The following PSD3 variants were observed in gnomAD, a reference collection of about 807,000 sequenced individuals.
PSD3 encodes the protein PH and SEC7 domain-containing protein 3.
In PSD3, 49 loss-of-function variants were observed where a neutral mutation model predicts 105.5. That is an observed-to-expected ratio of 0.46 (90% CI 0.37 to 0.59). The LOEUF (loss-of-function observed/expected upper bound fraction) is 0.59. Ranked by LOEUF, PSD3 falls within the 20% of genes least tolerant of loss-of-function variation. PSD3 has a pLI of 0.00. For missense variants in PSD3, 1,561 were observed against 1,263.8 expected (o/e 1.24, Z -3.57); for synonymous variants, 557 against 457.8 (o/e 1.22, Z -2.77).
chr8:18,783,694 C>T (rs1049561262), intron 8 of PSD3, among the ~76,000 whole-genome samples: 7 of 152,276 alleles, frequency 4.6e-5, no homozygotes, highest in African/African-American at 1.2e-4. Context: ...AGTGCAGTGG[C>T]ACAATCTCAG....
At chr8:18,911,705 A>C (rs1820232854) in intron 2 of PSD3, among the ~76,000 whole-genome samples, 1 of 152,150 alleles carries the variant, frequency 6.6e-6, no homozygotes, top group African/African-American at 2.4e-5. Flanking sequence ...CAGCATTTTC[A>C]TTTTTTATAA....
chr8:18,926,112 G>T (rs1034567719), intron 2 of PSD3, among the ~76,000 whole-genome samples: 67 of 143,938 alleles, frequency 4.7e-4, no homozygotes, highest in African/African-American at 1.5e-4. Context: ...ATGGTATGTT[G>T]TTTTTTTTTT....
At chr8:19,081,172 T>A (rs961805065) in intron 1 of PSD3, among the ~76,000 whole-genome samples, 1 of 152,190 alleles carries the variant, frequency 6.6e-6, no homozygotes, top group Non-Finnish European at 1.5e-5. Flanking sequence ...ACAGAAATGT[T>A]AGAGCCGTCC....
chr8:19,005,739 T>G (rs59211596), intron 1 of PSD3, among the ~76,000 whole-genome samples: 2 of 151,950 alleles, frequency 1.3e-5, no homozygotes, highest in East Asian at 1.9e-4. Context: ...TCCTCCTACC[T>G]TGGCTTCCCA....
At chr8:18,545,141 A>T (rs765348695) in intron 15 of PSD3, among the ~76,000 whole-genome samples, 1 of 152,204 alleles carries the variant, frequency 6.6e-6, no homozygotes, top group African/African-American at 2.4e-5. Flanking sequence ...AGCTCTCAAA[A>T]TTCTTTAAAC....
At chr8:18,947,545 G>A (rs528455420) in intron 1 of PSD3, among the ~76,000 whole-genome samples, 2 of 152,224 alleles carry the variant, frequency 1.3e-5, no homozygotes, top group Non-Finnish European at 2.9e-5. Context: ...GGGTCAGGGA[G>A]CGGCGGCCAT....
chr8:19,000,284 C>T (rs1380811118), intron 1 of PSD3, among the ~76,000 whole-genome samples: 1 of 151,316 alleles, frequency 6.6e-6, no homozygotes, highest in East Asian at 1.9e-4. Context: ...GTGGTCCCAG[C>T]TACTTGGGAG....
intron 9 of PSD3, among the ~76,000 whole-genome samples, chr8:18,670,233 G>A (rs1010065785): frequency 3.3e-5 from 5 of 152,172 alleles, no homozygotes; most frequent in African/African-American, 4.8e-5. Context: ...CCACTGAACC[G>A]GGTGGGTCTG....
At chr8:18,984,927 T>G (rs917735729) in intron 1 of PSD3, among the ~76,000 whole-genome samples, 1 of 152,088 alleles carries the variant, frequency 6.6e-6, no homozygotes, top group Non-Finnish European at 1.5e-5. Context: ...CCCATCACGC[T>G]TCGCTTTTTT....
In PSD3 at chr8:18,575,154, G is replaced by C. The variant is rs1264450419; in HGVS notation, c.2613C>G (p.Asp871Glu). Residue 871 changes from aspartate (D) to glutamate (E), a missense_variant, in exon 13 of 16, where the codon GAC becomes GAG. By Grantham distance (45) the Asp-to-Glu change is conservative. Transcript: ENST00000327040. ...KPNVFKLKTADWRVLLFQTQS... is the reference protein window; with the variant it reads ...KPNVFKLKTAEWRVLLFQTQS... The stretch of plus-strand genomic sequence containing the variant: ...GAGTTTGAAAAAGCAAGACCCTCCA[G>C]TCGGCAGTTTTAAGTTTAAACACGT... 6.2e-7 allele frequency: 1 copy of C among 1,613,306 alleles called. No homozygotes were observed. The highest frequency in any genetic ancestry group is 1.1e-5 in the South Asian group (1 of 90,898).
At chr8:18,768,116 CAAAA>C (rs774203727) in intron 8 of PSD3, among the ~76,000 whole-genome samples, 7 of 97,346 alleles carry the variant, frequency 7.2e-5, no homozygotes, top group Admixed American at 1.2e-4. Flanking sequence ...ACTGAAAATA[CAAAA>C]AAAAAAAAAA....
chr8:18,946,811 A>C (rs1822885735), intron 1 of PSD3, among the ~76,000 whole-genome samples: 1 of 151,582 alleles, frequency 6.6e-6, no homozygotes, highest in Non-Finnish European at 1.5e-5. Context: ...AGGTTGGGAC[A>C]GGAGAATTGC....
chr8:18,945,811 A>T (rs1327860518), intron 1 of PSD3, among the ~76,000 whole-genome samples: 1 of 151,882 alleles, frequency 6.6e-6, no homozygotes, highest in Non-Finnish European at 1.5e-5. Flanking sequence ...CCCCATCTCT[A>T]CAAAAATACA....
Position 18,530,667 on chromosome 8 carries a change from T to A in PSD3, c.*5076A>T, listed in dbSNP as rs3758144. Reference sequence around the variant, plus strand: ...TAAGTGCTCTTAATACTAAAGTTACTAAGACTGCACAGGCTGCCTTTTTTT... The same window carrying A: ...TAAGTGCTCTTAATACTAAAGTTACAAAGACTGCACAGGCTGCCTTTTTTT... On this transcript the variant is annotated 3_prime_UTR_variant, in exon 16 of 16. Transcript: ENST00000327040. The A allele has an allele frequency of 2.0e-5, 3 of 151,708 alleles. No homozygotes were observed. The highest frequency in any genetic ancestry group is 6.6e-5 in the Admixed American group (1 of 15,212). 9.4% of individuals were successfully genotyped at this position (151,708 alleles called of 1,614,324 possible).
At chr8:18,993,775 A>T (rs1335487740) in intron 1 of PSD3, among the ~76,000 whole-genome samples, 1 of 152,074 alleles carries the variant, frequency 6.6e-6, no homozygotes, top group Non-Finnish European at 1.5e-5. Flanking sequence ...GTAACTCTGA[A>T]ATTAAGACTT....
Position 18,559,054 on chromosome 8 carries a change from A to AT in PSD3, c.2785-2703dup, listed in dbSNP as rs571279496. On this transcript the variant is annotated intron_variant, in intron 14 of 15. Coordinates refer to ENST00000327040, the MANE Select transcript of PSD3 (RefSeq NM_015310.4). ...TTGTTTTCAGGTTTCCTGTTGTGGG[A>AT]TTTTTTTTCCCTGTTATAAATGATG... 1.4e-3 allele frequency among the ~76,000 whole-genome samples: 213 copies of AT among 151,870 alleles called. 1 individual carries two copies. The highest frequency in any genetic ancestry group is 4.9e-3 in the African/African-American group (203 of 41,408).
upstream of PSD3, among the ~76,000 whole-genome samples, chr8:19,017,684 C>T (rs1350661059): frequency 2.6e-5 from 4 of 152,194 alleles, no homozygotes; most frequent in African/African-American, 7.2e-5. Context: ...TGACTGGCTT[C>T]TTGCACTTAT....
At chr8:19,010,631 T>G (rs2129475296) in intron 1 of PSD3, among the ~76,000 whole-genome samples, 1 of 152,236 alleles carries the variant, frequency 6.6e-6, no homozygotes, top group African/African-American at 2.4e-5. Flanking sequence ...TCAACGTAAC[T>G]CAGAAACACT....
At chr8:18,776,402 G>A (rs1054282234) in intron 8 of PSD3, among the ~76,000 whole-genome samples, 1 of 133,238 alleles carries the variant, frequency 7.5e-6, no homozygotes, top group African/African-American at 2.8e-5. Flanking sequence ...TTTTGTTTTT[G>A]AGACGGAGTC....
Sources: gnomAD v4.1 joint callset for allele counts (sites outside exome capture counted in the v4.1 genomes callset) on GRCh38, gnomAD v4.1.1 for gene constraint, MANE v1.5 for transcripts, NCBI Gene and HGNC (gene_info 2026-07-23, HGNC 2026-07-21) for gene names.